GRIA1: variants seen among roughly 807,000 people sequenced by gnomAD.
GRIA1 encodes the protein glutamate ionotropic receptor AMPA type subunit 1, also known as glutamate receptor 1.
GRIA1 carries 31 observed loss-of-function variants against 99.2 expected under a neutral mutation model. The observed-to-expected ratio is 0.31, with a 90% confidence interval of 0.23 to 0.42. The LOEUF is 0.42. Among genes scored for constraint, GRIA1 ranks in the 10% least tolerant of loss-of-function variants. GRIA1 has a pLI of 1.00. For synonymous variants in GRIA1, 438 were observed against 432.4 expected (o/e 1.01, Z -0.16); for missense variants, 782 against 1,157.5 (o/e 0.68, Z 4.71).
chr5:153,493,576 T>C (rs140066009), intron 1 of GRIA1, among the ~76,000 whole-genome samples: 542 of 152,256 alleles, frequency 3.6e-3, no homozygotes, highest in Middle Eastern at 0.014. Flanking sequence ...AGGGGGCTTA[T>C]GTGTATGTTT....
intron 2 of GRIA1, among the ~76,000 whole-genome samples, chr5:153,594,887 C>A (rs1021115960): frequency 5.3e-5 from 8 of 151,970 alleles, no homozygotes; most frequent in Admixed American, 2.6e-4. Flanking sequence ...CCAGGTTTTA[C>A]CCCATCCCAT....
intron 11 of GRIA1, among the ~76,000 whole-genome samples, chr5:153,745,228 T>C (rs1762065453): frequency 6.6e-6 from 1 of 152,018 alleles, no homozygotes; most frequent in African/African-American, 2.4e-5. Flanking sequence ...TTCACTGTCA[T>C]GTTTATGTTC....
At chr5:153,497,890 G>A (rs1469014358) in intron 2 of GRIA1, among the ~76,000 whole-genome samples, 1 of 152,172 alleles carries the variant, frequency 6.6e-6, no homozygotes, top group Non-Finnish European at 1.5e-5. Context: ...ATGTAATGTT[G>A]TAAGTGCTAT....
chr5:153,738,217 A>G (rs773312447), intron 11 of GRIA1, among the ~76,000 whole-genome samples: 9 of 152,196 alleles, frequency 5.9e-5, no homozygotes, highest in Non-Finnish European at 1.0e-4. Context: ...CTGGTTCTCC[A>G]TCAGTTATTC....
At position 153,813,334 on chromosome 5, in the gene GRIA1, C is replaced by A. The variant is rs1050229557; in HGVS notation, c.*2109C>A. The A allele has an allele frequency of 6.6e-6, 1 of 152,154 alleles. No individual in the cohort carries two copies. Among genetic ancestry groups the A allele is most frequent in the African/African-American group, 2.4e-5 (1 of 41,426 alleles). 9.4% of individuals were successfully genotyped at this position (152,154 alleles called of 1,614,324 possible). A position where few individuals can be genotyped will look rare whatever the true frequency, so the allele number is the denominator to read the frequency against. On this transcript the variant is annotated 3_prime_UTR_variant, in exon 16 of 16. Transcript: ENST00000285900. ...GCATCTTGGAAGAGTTGGAAATAAC[C>A]CTTTAACATCAACATGCTTCAAAGA...
At chr5:153,582,840 C>A (rs927720109) in intron 2 of GRIA1, among the ~76,000 whole-genome samples, 1 of 151,996 alleles carries the variant, frequency 6.6e-6, no homozygotes, top group African/African-American at 2.4e-5. Flanking sequence ...ACTCTGTCAC[C>A]CAGGCTGGAG....
chr5:153,593,372 G>A (rs1764146274), intron 2 of GRIA1, among the ~76,000 whole-genome samples: 1 of 152,146 alleles, frequency 6.6e-6, no homozygotes, highest in African/African-American at 2.4e-5. Flanking sequence ...TGTGTAGGGG[G>A]CACAAACATG....
intron 2 of GRIA1, among the ~76,000 whole-genome samples, chr5:153,587,210 G>A (rs1455187904): frequency 6.6e-6 from 1 of 152,026 alleles, no homozygotes; most frequent in Non-Finnish European, 1.5e-5. Context: ...TTCCAATAGG[G>A]ACTGACTTCT....
At chr5:153,679,250 G>C in intron 7 of GRIA1, among the ~76,000 whole-genome samples, 1 of 151,980 alleles carries the variant, frequency 6.6e-6, no homozygotes, top group East Asian at 1.9e-4. Context: ...TGTCTATGGA[G>C]AAAAAGAGAG....
At chr5:153,604,616 C>T (rs1348369207) in intron 2 of GRIA1, among the ~76,000 whole-genome samples, 1 of 152,126 alleles carries the variant, frequency 6.6e-6, no homozygotes, top group African/African-American at 2.4e-5. Context: ...CCAAACAGAA[C>T]CTCTATCGGG....
intron 11 of GRIA1, among the ~76,000 whole-genome samples, chr5:153,736,819 A>G (rs1761410398): frequency 6.6e-6 from 1 of 152,188 alleles, no homozygotes; most frequent in African/African-American, 2.4e-5. Context: ...CTAATCCTAC[A>G]TCAATCAAAC....
At chr5:153,611,013 G>A (rs954207300) in intron 2 of GRIA1, among the ~76,000 whole-genome samples, 3 of 152,084 alleles carry the variant, frequency 2.0e-5, no homozygotes, top group Non-Finnish European at 2.9e-5. Flanking sequence ...TTCTTAGTTG[G>A]ATATGGGGAT....
intron 11 of GRIA1, among the ~76,000 whole-genome samples, chr5:153,760,542 G>A (rs1763112326): frequency 6.6e-6 from 1 of 151,898 alleles, no homozygotes; most frequent in Admixed American, 6.6e-5. Flanking sequence ...CAAGCAAATG[G>A]AAAGATATCC....
At chr5:153,632,253 G>A (rs1329883305) in intron 2 of GRIA1, among the ~76,000 whole-genome samples, 1 of 152,180 alleles carries the variant, frequency 6.6e-6, no homozygotes, top group Non-Finnish European at 1.5e-5. Flanking sequence ...GTGAGCAGTG[G>A]CAGAGCCCTA....
At chr5:153,654,237 G>A (rs1486770502) in intron 4 of GRIA1, among the ~76,000 whole-genome samples, 1 of 152,126 alleles carries the variant, frequency 6.6e-6, no homozygotes, top group Non-Finnish European at 1.5e-5. Flanking sequence ...CAATGTATAG[G>A]TTGGGGAATA....
chr5:153,658,591 T>A (rs1367286589), intron 5 of GRIA1, among the ~76,000 whole-genome samples: 1 of 152,228 alleles, frequency 6.6e-6, no homozygotes, highest in African/African-American at 2.4e-5. Flanking sequence ...ATGTGGTGTG[T>A]TTTCTTCCCC....
Position 153,513,054 on chromosome 5 carries a change from C to T in GRIA1, c.220+18989C>T, listed in dbSNP as rs1222583559. On this transcript the variant is annotated intron_variant, in intron 2 of 15. Coordinates refer to ENST00000285900, the MANE Select transcript of GRIA1 (RefSeq NM_000827.4). ...TCACCATAGTGGCACCATGATCTCGCACTTCCAGTTTCCAGAACTGTGAAA... is the reference window on the plus strand; with the variant it reads ...TCACCATAGTGGCACCATGATCTCGTACTTCCAGTTTCCAGAACTGTGAAA... Among the ~76,000 whole-genome samples the T allele has an allele frequency of 3.3e-5, 5 of 152,202 alleles. No homozygotes were observed. In the East Asian group the frequency reaches 7.7e-4, roughly 23 times the overall value.
At chr5:153,688,273 G>T (rs144599988) in intron 8 of GRIA1, among the ~76,000 whole-genome samples, 1 of 152,132 alleles carries the variant, frequency 6.6e-6, no homozygotes, top group Non-Finnish European at 1.5e-5. Flanking sequence ...CACTGGGAAC[G>T]TATCCACTTC....
At chr5:153,762,007 G>T (rs1376051206) in intron 11 of GRIA1, among the ~76,000 whole-genome samples, 4 of 152,178 alleles carry the variant, frequency 2.6e-5, no homozygotes, top group Non-Finnish European at 5.9e-5. Flanking sequence ...GGTTCCAGAG[G>T]CTGGGGAAGT....
Sources: allele counts gnomAD v4.1 joint callset (sites outside exome capture counted in the v4.1 genomes callset), GRCh38; gene constraint gnomAD v4.1.1; transcripts MANE v1.5; gene names NCBI Gene and HGNC (gene_info 2026-07-23, HGNC 2026-07-21).